The following LAPTM4B variants were observed in gnomAD, a reference collection of about 807,000 sequenced individuals.
LAPTM4B encodes the protein lysosomal protein transmembrane 4 beta, also known as lysosomal-associated transmembrane protein 4B.
Under a neutral mutation model 28.5 loss-of-function variants are expected in LAPTM4B, and 26 were observed. The ratio of observed to expected loss-of-function variants is 0.91; its 90% CI spans 0.67 to 1.27. The LOEUF (loss-of-function observed/expected upper bound fraction) is 1.27, where lower values mean the gene tolerates loss of function less well. Among genes scored for constraint, LAPTM4B ranks in the 50% most tolerant of loss-of-function variants. The probability of loss-of-function intolerance (pLI) is 0.00; values close to 1 mark genes in which losing one functional copy is unlikely to be tolerated. For missense variants in LAPTM4B, 288 were observed against 285.8 expected (o/e 1.01, Z -0.06); for synonymous variants, 109 against 106.4 (o/e 1.02, Z -0.15).
At chr8:97,842,883 T>C (rs1221829871) in intron 6 of LAPTM4B, among the ~76,000 whole-genome samples, 1 of 137,388 alleles carries the variant, frequency 7.3e-6, no homozygotes, top group Non-Finnish European at 1.6e-5. Context: ...TTATATAATA[T>C]CTTTTTTTTT....
chr8:97,824,057 GTCTA>G (rs1817054900), intron 5 of LAPTM4B, among the ~76,000 whole-genome samples: 1 of 152,044 alleles, frequency 6.6e-6, no homozygotes, highest in African/African-American at 2.4e-5. Flanking sequence ...GCCACATTTT[GTCTA>G]TCCATTCATC....
intron 6 of LAPTM4B, among the ~76,000 whole-genome samples, chr8:97,834,058 CTGT>C (rs1466749255): frequency 6.6e-6 from 1 of 150,802 alleles, no homozygotes; most frequent in Non-Finnish European, 1.5e-5. Context: ...TGGCTCACGC[CTGT>C]AATTCTAGTG....
rs78163500 is a variant in LAPTM4B, at chr8:97,791,687, T to G, written c.100-13666T>G. Among the ~76,000 whole-genome samples, 1,486 of 152,274 alleles carry G rather than the reference T, an allele frequency of 9.8e-3. 19 individuals are homozygous for G. Among genetic ancestry groups the G allele is most frequent in the African/African-American group, 0.034 (1,398 of 41,556 alleles). On this transcript the variant is annotated intron_variant, in intron 1 of 6. Coordinates refer to ENST00000521545, the MANE Select transcript of LAPTM4B (RefSeq NM_018407.6). ...CTGTGAATGGGGTGTGGTGGCTTCT[T>G]GGGAGGAACCTGGGTTACTGGTAAG...
At chr8:97,825,632 G>A (rs1817080293) in intron 6 of LAPTM4B, among the ~76,000 whole-genome samples, 3 of 152,198 alleles carry the variant, frequency 2.0e-5, no homozygotes, top group South Asian at 4.1e-4. Context: ...TAATTTAGAT[G>A]ATCTCTGTTC....
intron 5 of LAPTM4B, among the ~76,000 whole-genome samples, chr8:97,823,110 G>T (rs1338616764): frequency 5.3e-5 from 8 of 152,054 alleles, no homozygotes; most frequent in Admixed American, 5.2e-4. Context: ...TAAAGTACTG[G>T]GATTACAGGT....
At chr8:97,848,036 G>A (rs1224159869) in intron 6 of LAPTM4B, among the ~76,000 whole-genome samples, 4 of 152,236 alleles carry the variant, frequency 2.6e-5, no homozygotes, top group Non-Finnish European at 5.9e-5. Context: ...GGCTGAGGCA[G>A]TCGGATCACC....
intron 6 of LAPTM4B, among the ~76,000 whole-genome samples, chr8:97,828,536 C>T (rs1817129299): frequency 6.6e-6 from 1 of 152,086 alleles, no homozygotes; most frequent in Non-Finnish European, 1.5e-5. Context: ...TAACTATCTG[C>T]CTGATTAGTG....
intron 1 of LAPTM4B, among the ~76,000 whole-genome samples, chr8:97,778,009 C>A (rs1274306312): frequency 6.6e-6 from 1 of 152,186 alleles, no homozygotes; most frequent in Non-Finnish European, 1.5e-5. Context: ...AAGATAAATC[C>A]TACTTGAGCC....
chr8:97,818,284 C>G (rs148536066), intron 4 of LAPTM4B, among the ~76,000 whole-genome samples: 40 of 152,312 alleles, frequency 2.6e-4, no homozygotes, highest in African/African-American at 9.4e-4. Flanking sequence ...CCATGTTCTT[C>G]CTCAACATTG....
chr8:97,797,203 C>T (rs903510001), intron 1 of LAPTM4B, among the ~76,000 whole-genome samples: 4 of 150,986 alleles, frequency 2.6e-5, no homozygotes, highest in Non-Finnish European at 4.4e-5. Flanking sequence ...GGTGCGACCT[C>T]GGCTCACTGA....
At chr8:97,841,074 G>C (rs1315305815) in intron 6 of LAPTM4B, among the ~76,000 whole-genome samples, 1 of 148,710 alleles carries the variant, frequency 6.7e-6, no homozygotes, top group Admixed American at 6.7e-5. Flanking sequence ...ACAGTGGGGA[G>C]CTGGGTAGAG....
At position 97,775,835 on chromosome 8, in the gene LAPTM4B, G is replaced by A. The variant is rs753800725; in HGVS notation, c.-175G>A. The A allele has an allele frequency of 3.2e-6, 5 of 1,547,834 alleles. No homozygotes were observed. The highest frequency in any genetic ancestry group is 3.5e-6 in the Non-Finnish European group (4 of 1,152,994). ...CCTTCGGAGCGAAGGGTACCGACCC[G>A]GCAGAAGCTCGGAGCTCTCGGGGTA... On this transcript the variant is annotated 5_prime_UTR_variant, in exon 1 of 7. Transcript: ENST00000521545.
intron 1 of LAPTM4B, among the ~76,000 whole-genome samples, chr8:97,792,402 G>A (rs1011119845): frequency 6.6e-6 from 1 of 151,840 alleles, no homozygotes; most frequent in African/African-American, 2.4e-5. Context: ...CTACAGGTGC[G>A]AGCCACCACA....
chr8:97,840,297 C>T lies in LAPTM4B; in HGVS notation c.604-11100C>T, dbSNP rs147038629. ...TTTTGGACCCAACTGAAAATATTTG[C>T]GGTGTGAATTCTGTATTTTGAGTAC... On this transcript the variant is annotated intron_variant, in intron 6 of 6. Coordinates refer to ENST00000521545, the MANE Select transcript of LAPTM4B (RefSeq NM_018407.6). Among the ~76,000 whole-genome samples the T allele has an allele frequency of 1.7e-4, 26 of 152,260 alleles. No homozygotes were observed. In the East Asian group the frequency reaches 3.9e-3, roughly 23 times the overall value.
chr8:97,846,455 G>T (rs993776402), intron 6 of LAPTM4B, among the ~76,000 whole-genome samples: 2 of 151,948 alleles, frequency 1.3e-5, no homozygotes. Flanking sequence ...AGCCTCCCGA[G>T]TAGCTGGGAT....
chr8:97,845,984 T>C (rs985299396), intron 6 of LAPTM4B, among the ~76,000 whole-genome samples: 7 of 145,086 alleles, frequency 4.8e-5, no homozygotes, highest in Non-Finnish European at 1.1e-4. Context: ...CCTCAACTCC[T>C]TGGGCTCAGT....
At chr8:97,783,621 AC>A (rs1692895703) in intron 1 of LAPTM4B, among the ~76,000 whole-genome samples, 1 of 152,110 alleles carries the variant, frequency 6.6e-6, no homozygotes, top group East Asian at 1.9e-4. Flanking sequence ...TGAGAGTCTG[AC>A]ACCTTTGAAG....
intron 6 of LAPTM4B, among the ~76,000 whole-genome samples, chr8:97,849,943 G>A (rs1057246406): frequency 1.3e-5 from 2 of 150,362 alleles, no homozygotes; most frequent in South Asian, 2.1e-4. Flanking sequence ...AGAGCGGGCC[G>A]TGGCTCCCGG....
intron 1 of LAPTM4B, among the ~76,000 whole-genome samples, chr8:97,800,953 A>T (rs1816666808): frequency 6.6e-6 from 1 of 151,796 alleles, no homozygotes; most frequent in African/African-American, 2.4e-5. Flanking sequence ...ATCTCTAATT[A>T]AAAAAAACAA....
Sources: allele counts gnomAD v4.1 joint callset (sites outside exome capture counted in the v4.1 genomes callset), GRCh38; gene constraint gnomAD v4.1.1; transcripts MANE v1.5; gene names NCBI Gene and HGNC (gene_info 2026-07-23, HGNC 2026-07-21).